Variants in PRDM16 observed in about 807,000 individuals in gnomAD.
The protein encoded by PRDM16 is PR/SET domain 16.
Under a neutral mutation model 110.6 loss-of-function variants are expected in PRDM16, and 23 were observed. That is an observed-to-expected ratio of 0.21 (90% CI 0.15 to 0.29). The LOEUF is 0.29. Among genes scored for constraint, PRDM16 ranks in the 10% least tolerant of loss-of-function variants. The pLI is 1.00. For synonymous variants in PRDM16, 799 were observed against 781.8 expected, an observed-to-expected ratio of 1.02 and a Z score of -0.37; for missense variants, 1,615 against 1,794.3, an observed-to-expected ratio of 0.90 and a Z score of 1.81.
chr1:3,115,901 A>C (rs1642946391), intron 1 of PRDM16, among the ~76,000 whole-genome samples: 1 of 152,170 alleles, frequency 6.6e-6, no homozygotes, highest in African/African-American at 2.4e-5. Context: ...TCAGGAGGCC[A>C]GCACTGCAGC....
Position 3,402,442 on chromosome 1 carries a change from A to G in PRDM16, c.677-349A>G, listed in dbSNP as rs370943702. On this transcript the variant is annotated intron_variant, in intron 5 of 16. Coordinates refer to ENST00000270722, the MANE Select transcript of PRDM16 (RefSeq NM_022114.4). Reference sequence around the variant, plus strand: ...TCGTTTTTCTCCTGATTCATAAACAAAGCACTTGGCCCGGCTTCCTCCTCC... The same window carrying G: ...TCGTTTTTCTCCTGATTCATAAACAGAGCACTTGGCCCGGCTTCCTCCTCC... Among the ~76,000 whole-genome samples, 9 of 152,364 alleles carry G rather than the reference A, an allele frequency of 5.9e-5. No individual in the cohort carries two copies. The East Asian group carries it at 1.3e-3, about 23-fold the overall frequency.
chr1:3,071,840 C>T (rs778863110), intron 1 of PRDM16, among the ~76,000 whole-genome samples: 3 of 152,196 alleles, frequency 2.0e-5, no homozygotes, highest in Non-Finnish European at 2.9e-5. Flanking sequence ...CCCAGCATTT[C>T]GGGGGCCACC....
intron 1 of PRDM16, among the ~76,000 whole-genome samples, chr1:3,087,651 C>A (rs966285458): frequency 6.6e-6 from 1 of 152,166 alleles, no homozygotes; most frequent in African/African-American, 2.4e-5. Flanking sequence ...TTTCCTTGGA[C>A]GTGACCAAGG....
intron 1 of PRDM16, among the ~76,000 whole-genome samples, chr1:3,139,902 G>A (rs1057446386): frequency 1.1e-4 from 16 of 152,288 alleles, no homozygotes; most frequent in Non-Finnish European, 2.1e-4. Context: ...TCCCCTCGCC[G>A]GGCTCTGGCT....
chr1:3,087,908 T>C (rs1414926705), intron 1 of PRDM16, among the ~76,000 whole-genome samples: 1 of 152,134 alleles, frequency 6.6e-6, no homozygotes, highest in Non-Finnish European at 1.5e-5. Context: ...TGTTTGTGGT[T>C]GAGCAAAGAT....
chr1:3,272,543 G>A (rs1247874122), intron 3 of PRDM16, among the ~76,000 whole-genome samples: 1 of 152,196 alleles, frequency 6.6e-6, no homozygotes, highest in African/African-American at 2.4e-5. Flanking sequence ...CCCGCCTCCT[G>A]GGGCTCCATT....
At chr1:3,180,970 GGTCTTACACACGCA>G (rs1238295159) in intron 1 of PRDM16, among the ~76,000 whole-genome samples, 15 of 135,446 alleles carry the variant, frequency 1.1e-4, no homozygotes, top group South Asian at 2.6e-4. Flanking sequence ...TTACACACTC[GGTCTTACACACGCA>G]GTCTTACACA....
At position 3,327,469 on chromosome 1, in the gene PRDM16, T is replaced by C. The variant is rs538188051; in HGVS notation, c.439-57683T>C. Among the ~76,000 whole-genome samples the C allele has an allele frequency of 5.4e-4, 81 of 151,198 alleles. 1 individual carries two copies. In the South Asian group the frequency reaches 0.015, roughly 27 times the overall value. On this transcript the variant is annotated intron_variant, in intron 3 of 16. Coordinates refer to ENST00000270722, the MANE Select transcript of PRDM16 (RefSeq NM_022114.4). ...ACCCAGAGGCGTTGTCTTTCAACGC[T>C]CATCCCACGGTCAGGACCAACAACG... is the stretch of plus-strand genomic sequence containing the variant.
At chr1:3,124,997 A>C (rs1557465546) in intron 1 of PRDM16, among the ~76,000 whole-genome samples, 1 of 152,186 alleles carries the variant, frequency 6.6e-6, no homozygotes, top group Admixed American at 6.5e-5. Flanking sequence ...GGTTCCTGTC[A>C]GCTCCGCAGG....
chr1:3,253,206 T>A (rs1557559776), intron 3 of PRDM16, among the ~76,000 whole-genome samples: 1 of 151,900 alleles, frequency 6.6e-6, no homozygotes, highest in South Asian at 2.1e-4. Flanking sequence ...TAATTTAATT[T>A]AATTATTATT....
intron 3 of PRDM16, among the ~76,000 whole-genome samples, chr1:3,343,263 G>A (rs116762128): frequency 0.01 from 1,480 of 147,786 alleles, 26 homozygotes; most frequent in African/African-American, 0.035. Flanking sequence ...ATTTTCACTG[G>A]GTATAAGTGC....
At position 3,186,284 on chromosome 1, in the gene PRDM16, C is replaced by T. The variant is rs374012976; in HGVS notation, c.197C>T (p.Ser66Leu). 7.3e-5 allele frequency: 118 copies of T among 1,611,396 alleles called. No individual in the cohort carries two copies. The highest frequency in any genetic ancestry group is 9.2e-5 in the Non-Finnish European group (108 of 1,179,252). Residue 66 changes from serine to leucine, a missense_variant, in exon 2 of 17, where the codon TCG becomes TTG. Coordinates refer to ENST00000270722, the MANE Select transcript of PRDM16 (RefSeq NM_022114.4). ...GAGGACTTCACCCCCAAGGAGGGCT[C>T]GCCGTACGAGGCCCCTGTCTACATT... ...TSEDFTPKEG[S>L]PYEAPVYIPE...
At chr1:3,364,166 AG>A (rs1642768020) in intron 3 of PRDM16, among the ~76,000 whole-genome samples, 1 of 152,104 alleles carries the variant, frequency 6.6e-6, no homozygotes, top group Non-Finnish European at 1.5e-5. Context: ...GGAAGGGAAT[AG>A]GGGTCAGACC....
intron 3 of PRDM16, among the ~76,000 whole-genome samples, chr1:3,284,104 G>GCCCGCCA (rs1161205502): frequency 0.012 from 1,828 of 152,280 alleles, 33 homozygotes; most frequent in African/African-American, 0.041. Context: ...AGGGGCTGCT[G>GCCCGCCA]CCCGCCACCC....
In PRDM16 at chr1:3,435,783, T is replaced by C. The variant is rs1537405; in HGVS notation, c.*1972T>C. 213,383 of 231,856 alleles carry C rather than the reference T, an allele frequency of 0.92. 98,754 individuals carry two copies. Among genetic ancestry groups the C allele is most frequent in the African/African-American group, 0.98 (44,471 of 45,342 alleles). The allele number at this position is 231,856 out of a possible 1,614,324, so 14.4% of individuals were successfully genotyped here. A position where few individuals can be genotyped will look rare whatever the true frequency, so the allele number is the denominator to read the frequency against. On this transcript the variant is annotated 3_prime_UTR_variant, in exon 17 of 17. Transcript: ENST00000270722. Reference sequence around the variant, plus strand: ...GACAATCGTCTCTGTGGGTGCCGGGTGGTCCAGGCTTGCACTGAAGACGTG... The same window carrying C: ...GACAATCGTCTCTGTGGGTGCCGGGCGGTCCAGGCTTGCACTGAAGACGTG...
chr1:3,247,617 TG>T (rs1321347637), intron 3 of PRDM16, among the ~76,000 whole-genome samples: 19 of 152,234 alleles, frequency 1.2e-4, no homozygotes, highest in Non-Finnish European at 2.2e-4. Flanking sequence ...GCGTTCCCTC[TG>T]TCTCACACCC....
chr1:3,171,215 T>C (rs993213352), intron 1 of PRDM16, among the ~76,000 whole-genome samples: 10 of 152,222 alleles, frequency 6.6e-5, no homozygotes, highest in Non-Finnish European at 1.3e-4. Flanking sequence ...GCCCAGTTGG[T>C]AGGAACTAAA....
intron 1 of PRDM16, among the ~76,000 whole-genome samples, chr1:3,142,212 C>T (rs1643564660): frequency 2.0e-5 from 3 of 152,374 alleles, no homozygotes; most frequent in South Asian, 4.1e-4. Flanking sequence ...GTCAGTCAAG[C>T]GTCTTTCACA....
intron 1 of PRDM16, among the ~76,000 whole-genome samples, chr1:3,095,205 T>C (rs1314717163): frequency 6.6e-6 from 1 of 152,162 alleles, no homozygotes; most frequent in Non-Finnish European, 1.5e-5. Context: ...CAACCGCCAG[T>C]CCAAACCATG....
Sources: gnomAD v4.1 joint callset for allele counts (sites outside exome capture counted in the v4.1 genomes callset) on GRCh38, gnomAD v4.1.1 for gene constraint, MANE v1.5 for transcripts, NCBI Gene and HGNC (gene_info 2026-07-23, HGNC 2026-07-21) for gene names.